VSTM2L: variants seen among roughly 807,000 people sequenced by gnomAD.
The protein encoded by VSTM2L is V-set and transmembrane domain containing 2 like.
Under a neutral mutation model 19.9 loss-of-function variants are expected in VSTM2L, and 9 were observed. The observed-to-expected ratio is 0.45, with a 90% CI of 0.27 to 0.79. The LOEUF (loss-of-function observed/expected upper bound fraction) is 0.79, where lower values mean the gene tolerates loss of function less well. Among genes scored for constraint, VSTM2L ranks in the 30% least tolerant of loss-of-function variants. The probability of loss-of-function intolerance (pLI) is 0.15; values close to 1 mark genes in which losing one functional copy is unlikely to be tolerated. For missense variants in VSTM2L, 286 were observed against 295.5 expected, an observed-to-expected ratio of 0.97 and a Z score of 0.24; for synonymous variants, 127 against 133.8, an observed-to-expected ratio of 0.95 and a Z score of 0.35.
intron 3 of VSTM2L, among the ~76,000 whole-genome samples, chr20:37,937,572 A>G (rs1170270071): frequency 1.3e-5 from 2 of 152,216 alleles, no homozygotes; most frequent in Non-Finnish European, 2.9e-5. Context: ...TCCTAATTTT[A>G]AGACAAGGTG....
intron 1 of VSTM2L, among the ~76,000 whole-genome samples, chr20:37,925,151 G>A (rs2072873006): frequency 6.6e-6 from 1 of 151,858 alleles, no homozygotes; most frequent in Non-Finnish European, 1.5e-5. Context: ...TTTCTTTCCT[G>A]CCTCCCTACC....
intron 3 of VSTM2L, among the ~76,000 whole-genome samples, chr20:37,942,735 C>A (rs956464510): frequency 2.0e-5 from 3 of 151,752 alleles, no homozygotes; most frequent in African/African-American, 7.3e-5. Flanking sequence ...GGTGTACACA[C>A]AGGAAACATT....
At chr20:37,913,991 A>T (rs1273787142) in intron 1 of VSTM2L, among the ~76,000 whole-genome samples, 1 of 151,940 alleles carries the variant, frequency 6.6e-6, no homozygotes, top group East Asian at 1.9e-4. Flanking sequence ...CACGGACAGG[A>T]GAGGCTGCTC....
At chr20:37,911,705 A>G (rs1040581358) in intron 1 of VSTM2L, among the ~76,000 whole-genome samples, 4 of 151,890 alleles carry the variant, frequency 2.6e-5, no homozygotes, top group African/African-American at 9.7e-5. Flanking sequence ...TTTGTCTACT[A>G]TACTCCCCTC....
intron 1 of VSTM2L, among the ~76,000 whole-genome samples, chr20:37,915,042 T>C (rs1347769095): frequency 6.6e-6 from 1 of 152,238 alleles, no homozygotes; most frequent in Non-Finnish European, 1.5e-5. Context: ...GGGAGCTGTT[T>C]GCCGCCTGTC....
intron 1 of VSTM2L, among the ~76,000 whole-genome samples, chr20:37,918,138 AT>A (rs1209621931): frequency 6.6e-6 from 1 of 152,172 alleles, no homozygotes; most frequent in Non-Finnish European, 1.5e-5. Context: ...ACGGGCAAGG[AT>A]GCTGTCCCAA....
intron 1 of VSTM2L, among the ~76,000 whole-genome samples, chr20:37,923,003 G>A (rs1241116945): frequency 1.3e-5 from 2 of 151,860 alleles, no homozygotes; most frequent in African/African-American, 4.9e-5. Flanking sequence ...GTTTGAGCTA[G>A]GAGGTGAGAG....
At chr20:37,922,041 A>C (rs1409470206) in intron 1 of VSTM2L, among the ~76,000 whole-genome samples, 1 of 149,084 alleles carries the variant, frequency 6.7e-6, no homozygotes, top group Non-Finnish European at 1.5e-5. Context: ...GGTAAAATAT[A>C]CATAACAGAA....
Position 37,903,134 on chromosome 20 carries a change from G to C in VSTM2L, c.-217G>C. 2.1e-6 allele frequency: 1 copy of C among 479,706 alleles called. No individual in the cohort carries two copies. The highest frequency in any genetic ancestry group is 3.1e-6 in the Non-Finnish European group (1 of 320,854). The allele number at this position is 479,706 out of a possible 1,614,324, so 29.7% of individuals were successfully genotyped here. On this transcript the variant is annotated 5_prime_UTR_variant, in exon 1 of 4. Coordinates refer to ENST00000373461, the MANE Select transcript of VSTM2L (RefSeq NM_080607.3). ...GCGGAAGGGAAGAGTCCCGCAGTCG[G>C]AGGCGGCCGGCTGGGCGTGCGCTCG...
At chr20:37,920,965 A>G (rs2072847434) in intron 1 of VSTM2L, among the ~76,000 whole-genome samples, 1 of 151,836 alleles carries the variant, frequency 6.6e-6, no homozygotes. Flanking sequence ...ATGCCTAGCC[A>G]CCTCCTGTGT....
At chr20:37,933,683 G>C in intron 3 of VSTM2L, 94 bp downstream of exon 3, 1 of 1,248,276 alleles carries the variant, frequency 8.0e-7, no homozygotes, top group Middle Eastern at 1.9e-4. Context: ...AGGGAGCTTG[G>C]GCAAGAAGAT....
At chr20:37,926,586 T>C (rs1174604070) in intron 1 of VSTM2L, among the ~76,000 whole-genome samples, 2 of 152,214 alleles carry the variant, frequency 1.3e-5, no homozygotes, top group Non-Finnish European at 2.9e-5. Flanking sequence ...GCAAAAGTAA[T>C]TGCGGTTTTG....
chr20:37,910,317 G>A (rs958250674), intron 1 of VSTM2L, among the ~76,000 whole-genome samples: 1 of 152,214 alleles, frequency 6.6e-6, no homozygotes, highest in African/African-American at 2.4e-5. Flanking sequence ...GCATGTCCGT[G>A]GGGATCCACA....
At chr20:37,910,821 G>T (rs1568834027) in intron 1 of VSTM2L, among the ~76,000 whole-genome samples, 2 of 151,886 alleles carry the variant, frequency 1.3e-5, no homozygotes, top group East Asian at 3.9e-4. Context: ...GGAGGCTGGG[G>T]TGGGAAGATC....
chr20:37,944,380 A>C lies in VSTM2L; in HGVS notation c.*127A>C. 1 of 1,277,386 alleles carries C rather than the reference A, an allele frequency of 7.8e-7. No homozygotes were observed. Among genetic ancestry groups the C allele is most frequent in the Non-Finnish European group, 1.0e-6 (1 of 984,776 alleles). 79.1% of individuals were successfully genotyped at this position (1,277,386 alleles called of 1,614,324 possible). ...ATCCCCGAGGCCGCCTGTGGCCACC[A>C]TGTCGGCCCTCTTTCCACCACCCCT... is the stretch of plus-strand genomic sequence containing the variant. On this transcript the variant is annotated 3_prime_UTR_variant, in exon 4 of 4. Coordinates refer to ENST00000373461, the MANE Select transcript of VSTM2L (RefSeq NM_080607.3).
In VSTM2L at chr20:37,944,420, G is replaced by GCGCCC; in HGVS notation, c.*168_*169insGCCCC. On this transcript the variant is annotated 3_prime_UTR_variant, in exon 4 of 4. Coordinates refer to ENST00000373461, the MANE Select transcript of VSTM2L (RefSeq NM_080607.3). ...CCACCACCCCTTGCTCAGCATGTAA[G>GCGCCC]CCCCACCCACCCCTGCCCTTTCAGA... is the stretch of plus-strand genomic sequence containing the variant. 8.3e-7 allele frequency: 1 copy of GCGCCC among 1,199,428 alleles called. No homozygotes were observed. Among genetic ancestry groups the GCGCCC allele is most frequent in the Non-Finnish European group, 1.1e-6 (1 of 921,448 alleles). The allele number at this position is 1,199,428 out of a possible 1,614,324, so 74.3% of individuals were successfully genotyped here. A position where few individuals can be genotyped will look rare whatever the true frequency, so the allele number is the denominator to read the frequency against.
intron 1 of VSTM2L, among the ~76,000 whole-genome samples, chr20:37,908,666 A>G (rs2072763662): frequency 1.3e-5 from 2 of 152,092 alleles, no homozygotes; most frequent in Non-Finnish European, 1.5e-5. Flanking sequence ...ATAGCCAGGC[A>G]TGGGTACGCA....
chr20:37,944,592 GCTTGTC>G lies in VSTM2L; in HGVS notation c.*341_*346del. ...TGGAGTCCAGTGTTTTGCTTTGCTTGCTTGTCCCCCATCCTGTCCTGAGCCGGGGCC... is the reference window on the plus strand; with the variant it reads ...TGGAGTCCAGTGTTTTGCTTTGCTTGCCCCATCCTGTCCTGAGCCGGGGCC... On this transcript the variant is annotated 3_prime_UTR_variant, in exon 4 of 4. Coordinates refer to ENST00000373461, the MANE Select transcript of VSTM2L (RefSeq NM_080607.3). 1 of 1,093,970 alleles carries G rather than the reference GCTTGTC, an allele frequency of 9.1e-7. No individual in the cohort carries two copies. The highest frequency in any genetic ancestry group is 1.6e-5 in the African/African-American group (1 of 61,172). 67.8% of individuals were successfully genotyped at this position (1,093,970 alleles called of 1,614,324 possible). A position where few individuals can be genotyped will look rare whatever the true frequency, so the allele number is the denominator to read the frequency against.
At chr20:37,940,104 T>C (rs2072963460) in intron 3 of VSTM2L, among the ~76,000 whole-genome samples, 1 of 152,208 alleles carries the variant, frequency 6.6e-6, no homozygotes, top group South Asian at 2.1e-4. Flanking sequence ...ATTACTCCAT[T>C]AGCGCCTTGT....
Sources: gnomAD v4.1 joint callset for allele counts (sites outside exome capture counted in the v4.1 genomes callset) on GRCh38, gnomAD v4.1.1 for gene constraint, MANE v1.5 for transcripts, NCBI Gene and HGNC (gene_info 2026-07-23, HGNC 2026-07-21) for gene names.